NRG3: variants seen among roughly 807,000 people sequenced by gnomAD.
NRG3 encodes neuregulin 3.
NRG3 carries 31 observed loss-of-function variants against 66.9 expected under a neutral mutation model. That is an observed-to-expected ratio of 0.46 (90% CI 0.35 to 0.63). NRG3 has a LOEUF of 0.63. Ranked by LOEUF, NRG3 falls within the 20% of genes least tolerant of loss-of-function variation. The pLI is 0.00. For synonymous variants in NRG3, 393 were observed against 359.4 expected (o/e 1.09, Z -1.06); for missense variants, 910 against 878.9 (o/e 1.04, Z -0.45).
At chr10:82,852,279 C>T (rs342385) in intron 3 of NRG3, among the ~76,000 whole-genome samples, 51,119 of 151,660 alleles carry the variant, frequency 0.34, 8,983 homozygotes, top group African/African-American at 0.45. Context: ...ACATCACACA[C>T]CGGGGCCTGT....
At chr10:81,878,070 C>T (rs1389091179) in intron 1 of NRG3, 32 of 1,535,378 alleles carry the variant, frequency 2.1e-5, no homozygotes, top group African/African-American at 1.1e-4. Flanking sequence ...TGTACCATTC[C>T]GGAGGTCTTT....
At chr10:82,909,773 A>G (rs1325508206) in intron 4 of NRG3, among the ~76,000 whole-genome samples, 4 of 152,238 alleles carry the variant, frequency 2.6e-5, no homozygotes, top group Non-Finnish European at 5.9e-5. Flanking sequence ...AGATACCTCT[A>G]TGAGTAACAG....
intron 2 of NRG3, among the ~76,000 whole-genome samples, chr10:82,413,251 G>A (rs947933657): frequency 6.6e-6 from 1 of 152,122 alleles, no homozygotes; most frequent in African/African-American, 2.4e-5. Context: ...TGATCCATGG[G>A]CTGTGGAATG....
chr10:82,667,859 A>G (rs1336338578), intron 2 of NRG3, among the ~76,000 whole-genome samples: 1 of 152,236 alleles, frequency 6.6e-6, no homozygotes, highest in Non-Finnish European at 1.5e-5. Flanking sequence ...CTTCATGTTT[A>G]TACATATGTA....
At chr10:82,844,649 G>A (rs1488424638) in intron 3 of NRG3, among the ~76,000 whole-genome samples, 1 of 150,002 alleles carries the variant, frequency 6.7e-6, no homozygotes, top group Non-Finnish European at 1.5e-5. Context: ...TAATCTCCTA[G>A]GATCCAAAAC....
At chr10:82,898,954 C>T (rs1202498996) in intron 4 of NRG3, among the ~76,000 whole-genome samples, 2 of 151,964 alleles carry the variant, frequency 1.3e-5, no homozygotes, top group African/African-American at 2.4e-5. Context: ...TCGTGATCTG[C>T]CTGCCTCGGC....
intron 1 of NRG3, among the ~76,000 whole-genome samples, chr10:82,028,331 C>A (rs1404346516): frequency 6.6e-6 from 1 of 152,122 alleles, no homozygotes; most frequent in Non-Finnish European, 1.5e-5. Context: ...ATTTCTGCTA[C>A]TTGAGTTCAA....
chr10:82,403,908 T>A (rs1254033103), intron 2 of NRG3, among the ~76,000 whole-genome samples: 2 of 152,026 alleles, frequency 1.3e-5, no homozygotes, highest in East Asian at 3.9e-4. Flanking sequence ...CCTCAACAAA[T>A]TTTTTGGGGG....
At chr10:82,209,785 T>A (rs2075307491) in intron 1 of NRG3, among the ~76,000 whole-genome samples, 1 of 152,180 alleles carries the variant, frequency 6.6e-6, no homozygotes, top group Non-Finnish European at 1.5e-5. Context: ...GATCTTTCAT[T>A]TTAATTTTAT....
intron 1 of NRG3, among the ~76,000 whole-genome samples, chr10:82,014,957 T>C (rs761233964): frequency 5.9e-5 from 9 of 152,152 alleles, no homozygotes; most frequent in Non-Finnish European, 1.2e-4. Flanking sequence ...TCTGTGTTAA[T>C]GAAGAAATGC....
At chr10:82,968,445 G>A (rs73313248) in intron 6 of NRG3, among the ~76,000 whole-genome samples, 13,786 of 152,054 alleles carry the variant, frequency 0.091, 815 homozygotes, top group African/African-American at 0.15. Context: ...GTTTAATATC[G>A]CAATAATTCA....
At chr10:82,354,266 C>G (rs1335148709) in intron 1 of NRG3, among the ~76,000 whole-genome samples, 2 of 151,812 alleles carry the variant, frequency 1.3e-5, no homozygotes, top group Non-Finnish European at 2.9e-5. Flanking sequence ...GTCACAGACT[C>G]CTGGGTTCAA....
chr10:82,826,153 G>T (rs2062195866), intron 3 of NRG3, among the ~76,000 whole-genome samples: 1 of 151,416 alleles, frequency 6.6e-6, no homozygotes, highest in Non-Finnish European at 1.5e-5. Context: ...AGCATTAGGA[G>T]CTCATAATCA....
chr10:82,303,238 T>A (rs1350703193), intron 1 of NRG3, among the ~76,000 whole-genome samples: 1 of 152,150 alleles, frequency 6.6e-6, no homozygotes, highest in Non-Finnish European at 1.5e-5. Context: ...TCCAGAATAC[T>A]TTAAGATTAT....
chr10:82,281,112 G>A (rs1237921716), intron 1 of NRG3, among the ~76,000 whole-genome samples: 1 of 152,154 alleles, frequency 6.6e-6, no homozygotes, highest in Non-Finnish European at 1.5e-5. Context: ...TTTCTGGACT[G>A]GAAGACTTGG....
At chr10:81,936,696 C>T (rs1847905542) in intron 1 of NRG3, among the ~76,000 whole-genome samples, 1 of 152,054 alleles carries the variant, frequency 6.6e-6, no homozygotes, top group African/African-American at 2.4e-5. Context: ...TCTAACTCAC[C>T]ACCCTGCTAT....
intron 1 of NRG3, among the ~76,000 whole-genome samples, chr10:82,146,786 C>T (rs2070296700): frequency 6.6e-6 from 1 of 152,102 alleles, no homozygotes; most frequent in South Asian, 2.1e-4. Flanking sequence ...CCCAGGGCTG[C>T]TTGCAAAAAC....
At chr10:82,802,212 CAG>C (rs1241122235) in intron 3 of NRG3, among the ~76,000 whole-genome samples, 1 of 152,132 alleles carries the variant, frequency 6.6e-6, no homozygotes, top group Admixed American at 6.6e-5. Context: ...TGAGAGAAAA[CAG>C]AGCTCATTCA....
intron 4 of NRG3, among the ~76,000 whole-genome samples, chr10:82,913,920 T>A (rs1269135363): frequency 5.3e-5 from 8 of 152,196 alleles, no homozygotes; most frequent in Non-Finnish European, 5.9e-5. Flanking sequence ...CTTCTCGTCT[T>A]CCTATAATGT....
Sources: gnomAD v4.1 joint callset for allele counts (sites outside exome capture counted in the v4.1 genomes callset) on GRCh38, gnomAD v4.1.1 for gene constraint, MANE v1.5 for transcripts, NCBI Gene and HGNC (gene_info 2026-07-23, HGNC 2026-07-21) for gene names.